The following MACROH2A2 variants were observed in gnomAD, a reference collection of about 807,000 sequenced individuals.
The protein encoded by MACROH2A2 is core histone macro-H2A.2.
MACROH2A2 carries 6 observed loss-of-function variants against 37.6 expected under a neutral mutation model. That is an observed-to-expected ratio of 0.16 (90% CI 0.09 to 0.32). The LOEUF (loss-of-function observed/expected upper bound fraction) is 0.32. Among genes scored for constraint, MACROH2A2 ranks in the 10% least tolerant of loss-of-function variants. The pLI, the probability that MACROH2A2 is intolerant of heterozygous loss-of-function variation, is 1.00. For synonymous variants in MACROH2A2, 192 were observed against 202.7 expected (o/e 0.95, Z 0.45); for missense variants, 290 against 485.9 (o/e 0.60, Z 3.79).
intron 8 of MACROH2A2, among the ~76,000 whole-genome samples, chr10:70,110,345 C>T (rs769696686): frequency 2.0e-5 from 3 of 152,112 alleles, no homozygotes; most frequent in Admixed American, 6.5e-5. Context: ...CCCCGCCATG[C>T]CCGGAGTCAC....
intron 1 of MACROH2A2, among the ~76,000 whole-genome samples, chr10:70,064,970 A>G (rs1050438530): frequency 6.6e-6 from 1 of 152,084 alleles, no homozygotes; most frequent in African/African-American, 2.4e-5. Flanking sequence ...ATGGTTGAAG[A>G]ATTCAAGAAA....
intron 7 of MACROH2A2, among the ~76,000 whole-genome samples, chr10:70,104,928 A>G (rs1054704483): frequency 6.6e-6 from 1 of 152,248 alleles, no homozygotes; most frequent in Non-Finnish European, 1.5e-5. Flanking sequence ...GCATCTTAAC[A>G]TGGTTAAAAC....
intron 7 of MACROH2A2, among the ~76,000 whole-genome samples, chr10:70,105,876 G>A (rs1358494989): frequency 2.0e-5 from 3 of 152,138 alleles, no homozygotes; most frequent in Admixed American, 2.0e-4. Flanking sequence ...TACTGGGCAC[G>A]TGTTAGCCCT....
intron 3 of MACROH2A2, 41 bp downstream of exon 3, chr10:70,090,207 C>T (rs758850790): frequency 7.7e-7 from 1 of 1,304,380 alleles, no homozygotes. Context: ...AATGGGTTTG[C>T]CAAACATGCT....
Position 70,108,889 on chromosome 10 carries a change from TC to T in MACROH2A2, c.779-142del. ...CAGCTCTTGCTCTCGTTAAACATAG[TC>T]CACATCAGGAGCACAGGATGCTGCC... On this transcript the variant is annotated intron_variant, in intron 7 of 8. Coordinates refer to ENST00000373255, the MANE Select transcript of MACROH2A2 (RefSeq NM_018649.3). The T allele has an allele frequency of 5.5e-6, 4 of 722,902 alleles. No individual in the cohort carries two copies. In the Admixed American group the frequency reaches 8.9e-5, roughly 16 times the overall value. 44.8% of individuals were successfully genotyped at this position (722,902 alleles called of 1,614,324 possible). A position where few individuals can be genotyped will look rare whatever the true frequency, so the allele number is the denominator to read the frequency against.
intron 2 of MACROH2A2, among the ~76,000 whole-genome samples, chr10:70,080,885 CAAAAAAA>C (rs149608498): frequency 1.3e-4 from 4 of 31,988 alleles, no homozygotes; most frequent in Non-Finnish European, 1.5e-4. Context: ...AACTCCATCT[CAAAAAAA>C]AAAAAAAAAA....
intron 1 of MACROH2A2, among the ~76,000 whole-genome samples, chr10:70,060,442 G>A (rs967290825): frequency 2.0e-5 from 3 of 152,140 alleles, no homozygotes; most frequent in African/African-American, 7.2e-5. Flanking sequence ...GCAGAGAAAG[G>A]GATGGAGGAA....
rs147610872 is a variant in MACROH2A2 at position 70,090,151 on chromosome 10, C to T, written c.264C>T (p.Asp88=). ...ACATCTTGCTGGCAGTTGCCAATGACGAGGAGCTCAACCAGGTATGTCTGA... is the reference window on the plus strand; with the variant it reads ...ACATCTTGCTGGCAGTTGCCAATGATGAGGAGCTCAACCAGGTATGTCTGA... The part of the protein sequence containing the change: ...PRHILLAVAN[D]EELNQLLKGV... Residue 88 remains aspartate, a synonymous_variant, in exon 3 of 9, where the codon GAC becomes GAT. Transcript: ENST00000373255. 29 of 1,610,346 alleles carry T rather than the reference C, an allele frequency of 1.8e-5. No homozygotes were observed. The highest frequency in any genetic ancestry group is 1.7e-4 in the Middle Eastern group (1 of 6,054).
chr10:70,071,402 C>G (rs986566841), intron 1 of MACROH2A2, among the ~76,000 whole-genome samples: 1 of 152,176 alleles, frequency 6.6e-6, no homozygotes, highest in Non-Finnish European at 1.5e-5. Flanking sequence ...CTAAGCTTCT[C>G]TACCAAAATC....
intron 7 of MACROH2A2, among the ~76,000 whole-genome samples, chr10:70,102,148 G>A (rs572109932): frequency 6.6e-6 from 1 of 152,322 alleles, no homozygotes; most frequent in South Asian, 2.1e-4. Context: ...CACAGAGCAG[G>A]AGCCACGACC....
chr10:70,087,055 G>A (rs2072216349), intron 2 of MACROH2A2, among the ~76,000 whole-genome samples: 1 of 152,046 alleles, frequency 6.6e-6, no homozygotes. Context: ...GCCTGGCATG[G>A]TGGCACAAGC....
At chr10:70,104,862 G>A (rs2072327274) in intron 7 of MACROH2A2, among the ~76,000 whole-genome samples, 1 of 152,148 alleles carries the variant, frequency 6.6e-6, no homozygotes, top group African/African-American at 2.4e-5. Context: ...GCTGACAGCA[G>A]TTCTAAGATG....
rs1437578791 is a variant in MACROH2A2 at position 70,093,759 on chromosome 10, G to A, written c.502G>A (p.Glu168Lys). 1 of 1,609,054 alleles carries A rather than the reference G, an allele frequency of 6.2e-7. No individual in the cohort carries two copies. Among genetic ancestry groups the A allele is most frequent in the East Asian group, 2.2e-5 (1 of 44,868 alleles). The part of the protein sequence containing the change: ...KKSKPKDSDK[E>K]GTSNSTSEDG... The stretch of plus-strand genomic sequence containing the variant: ...GTCCAAACCAAAGGACAGCGATAAA[G>A]AAGGAACTTCAAATTCCACCTCTGA... The change falls in exon 5 of 9, where the codon GAA (glutamate) becomes AAA (lysine). Residue 168 changes from glutamate to lysine, a missense_variant. Physicochemically the swap from Glu to Lys is moderately conservative, Grantham distance 56. Transcript: ENST00000373255.
chr10:70,093,899 C>A, intron 5 of MACROH2A2, 54 bp downstream of exon 5: 1 of 918,340 alleles, frequency 1.1e-6, no homozygotes, highest in Non-Finnish European at 1.8e-6. Context: ...ATTTTTATAA[C>A]CTACTGTTTA....
chr10:70,056,167 AG>A (rs2072015079), intron 1 of MACROH2A2, among the ~76,000 whole-genome samples: 1 of 152,246 alleles, frequency 6.6e-6, no homozygotes, highest in African/African-American at 2.4e-5. Flanking sequence ...GGAATTGTCA[AG>A]AAGGGCTTTA....
intron 2 of MACROH2A2, among the ~76,000 whole-genome samples, chr10:70,077,790 G>A (rs552275565): frequency 4.4e-4 from 67 of 152,314 alleles, no homozygotes; most frequent in South Asian, 6.2e-4. Flanking sequence ...TGATTCACTG[G>A]ATCTGGAGTG....
chr10:70,111,623 C>T lies in MACROH2A2; in HGVS notation c.1059C>T (p.Leu353=), dbSNP rs1004653073. ...CGCTGAAGAACGTGTACTTCCTGCT[C>T]TTCGACAGCGAGAGCATCGGCATCT... ...ASSLKNVYFL[L]FDSESIGIYV... The change falls in exon 9 of 9, where the codon CTC becomes CTT. Residue 353 remains leucine (L), a synonymous_variant. Coordinates refer to ENST00000373255, the MANE Select transcript of MACROH2A2 (RefSeq NM_018649.3). 2 of 1,613,496 alleles carry T rather than the reference C, an allele frequency of 1.2e-6. No homozygotes were observed. Among genetic ancestry groups the T allele is most frequent in the African/African-American group, 1.3e-5 (1 of 74,940 alleles).
intron 1 of MACROH2A2, among the ~76,000 whole-genome samples, chr10:70,059,259 T>C (rs2072036523): frequency 6.6e-6 from 1 of 152,300 alleles, no homozygotes; most frequent in African/African-American, 2.4e-5. Context: ...AACCCAGTGC[T>C]CCTTGGAGGC....
rs150228098 is a variant in MACROH2A2 at position 70,080,763 on chromosome 10, T to G, written c.172+4933T>G. Among the ~76,000 whole-genome samples the G allele has an allele frequency of 5.2e-3, 785 of 151,410 alleles. 6 individuals carry two copies. The highest frequency in any genetic ancestry group is 8.7e-3 in the Non-Finnish European group (590 of 67,856). Reference sequence around the variant, plus strand: ...CGGGCATGGTGGTGCATGCCTGTAATCATCCCAGCTACTTGGGAAGCTGAG... The same window carrying G: ...CGGGCATGGTGGTGCATGCCTGTAAGCATCCCAGCTACTTGGGAAGCTGAG... On this transcript the variant is annotated intron_variant, in intron 2 of 8. Transcript: ENST00000373255.
Sources: gnomAD v4.1 joint callset for allele counts (sites outside exome capture counted in the v4.1 genomes callset) on GRCh38, gnomAD v4.1.1 for gene constraint, MANE v1.5 for transcripts, NCBI Gene and HGNC (gene_info 2026-07-23, HGNC 2026-07-21) for gene names.